The following CIMIP5 variants were observed in gnomAD, a reference collection of about 807,000 sequenced individuals.
CIMIP5 encodes the protein uncharacterized protein C2orf50.
At chr2:11,140,554 G>A in the CIMIP5 span, 1 of 1,562,956 alleles carries the variant, frequency 6.4e-7, no homozygotes, top group African/African-American at 1.3e-5. Context: ...CCAATGGTAA[G>A]GTAAAATATG....
the CIMIP5 span, chr2:11,144,199 C>T: frequency 8.4e-7 from 1 of 1,197,120 alleles, no homozygotes. Flanking sequence ...CAGCTCCCCA[C>T]ACAAGGCAGC....
chr2:11,133,837 C>T, the CIMIP5 span, among the ~76,000 whole-genome samples: 2 of 152,130 alleles, frequency 1.3e-5, no homozygotes, highest in South Asian at 4.1e-4. Context: ...TCGTTCATTC[C>T]GACTGCGACG....
chr2:11,141,124 T>C, the CIMIP5 span, among the ~76,000 whole-genome samples: 199 of 25,464 alleles, frequency 7.8e-3, no homozygotes, highest in Non-Finnish European at 0.012. Context: ...CAACACACTT[T>C]TTTTTTTTTT....
chr2:11,143,956 G>T, the CIMIP5 span: 1 of 1,603,012 alleles, frequency 6.2e-7, no homozygotes, highest in Non-Finnish European at 8.5e-7. Flanking sequence ...GCCAGACCAT[G>T]TGCCTCTCTT....
chr2:11,140,388 A>T, the CIMIP5 span: 1 of 618,412 alleles, frequency 1.6e-6, no homozygotes, highest in Non-Finnish European at 2.5e-6. Context: ...AAAAAAAAAA[A>T]AAAAAAAAAA....
chr2:11,143,870 GTCC>G, the CIMIP5 span: 19 of 1,448,236 alleles, frequency 1.3e-5, no homozygotes, highest in Non-Finnish European at 1.6e-5. Flanking sequence ...CCATTCTAAG[GTCC>G]TCCTTTTTCC....
chr2:11,149,712 A>T, the CIMIP5 span, among the ~76,000 whole-genome samples: 2 of 150,678 alleles, frequency 1.3e-5, no homozygotes, highest in East Asian at 2.0e-4. Flanking sequence ...ATCTCAAAAA[A>T]AATTAATTAA....
chr2:11,135,666 GGTTT>G, the CIMIP5 span, among the ~76,000 whole-genome samples: 2 of 47,376 alleles, frequency 4.2e-5, no homozygotes, highest in African/African-American at 2.0e-4. Flanking sequence ...GGGTTTTTTT[GGTTT>G]TTTTTTTTTT....
chr2:11,149,161 C>T, the CIMIP5 span, among the ~76,000 whole-genome samples: 26 of 152,238 alleles, frequency 1.7e-4, no homozygotes, highest in African/African-American at 6.3e-4. Context: ...GTGAAAGATT[C>T]TTAGAGAACG....
chr2:11,142,576 C>T, the CIMIP5 span, among the ~76,000 whole-genome samples: 1 of 152,160 alleles, frequency 6.6e-6, no homozygotes, highest in African/African-American at 2.4e-5. Flanking sequence ...GTGGAGCCAC[C>T]TCGGCATGGA....
At chr2:11,134,569 G>T in the CIMIP5 span, among the ~76,000 whole-genome samples, 2 of 152,326 alleles carry the variant, frequency 1.3e-5, no homozygotes, top group East Asian at 3.9e-4. Context: ...AAGTGGAATT[G>T]TGCAATATTT....
At chr2:11,141,160 G>A in the CIMIP5 span, among the ~76,000 whole-genome samples, 2 of 115,932 alleles carry the variant, frequency 1.7e-5, no homozygotes, top group Non-Finnish European at 3.2e-5. Flanking sequence ...ATGGAGTCTT[G>A]CTCTGTCGCC....
chr2:11,143,878 T>C, the CIMIP5 span: 4 of 1,478,738 alleles, frequency 2.7e-6, no homozygotes, highest in Non-Finnish European at 3.6e-6. Context: ...AGGTCCTCCT[T>C]TTTCCACGCT....
At chr2:11,144,140 C>G in the CIMIP5 span, 7 of 1,532,450 alleles carry the variant, frequency 4.6e-6, no homozygotes, top group Admixed American at 9.9e-5. Context: ...TGGCCTTCCC[C>G]AGGTGGGTGT....
the CIMIP5 span, among the ~76,000 whole-genome samples, chr2:11,149,021 A>C: frequency 6.6e-6 from 1 of 152,094 alleles, no homozygotes; most frequent in Non-Finnish European, 1.5e-5. Flanking sequence ...GACATGAGCC[A>C]CTGCGCCTGG....
chr2:11,152,093 T>C, the CIMIP5 span, among the ~76,000 whole-genome samples: 3 of 152,326 alleles, frequency 2.0e-5, no homozygotes, highest in South Asian at 4.1e-4. Context: ...TTGAGCCAAA[T>C]AATTGGTCTG....
the CIMIP5 span, among the ~76,000 whole-genome samples, chr2:11,148,619 C>A: frequency 7.1e-6 from 1 of 140,034 alleles, no homozygotes; most frequent in East Asian, 1.9e-4. Context: ...CCCATGCCCA[C>A]CCCCAGCCAG....
the CIMIP5 span, among the ~76,000 whole-genome samples, chr2:11,148,578 TGAA>T: frequency 6.6e-6 from 1 of 152,036 alleles, no homozygotes. Context: ...AGCATCGAAA[TGAA>T]GAACAGTAAT....
chr2:11,151,730 G>A, the CIMIP5 span, among the ~76,000 whole-genome samples: 2 of 152,246 alleles, frequency 1.3e-5, no homozygotes, highest in Non-Finnish European at 2.9e-5. Context: ...GTGCCTCCTG[G>A]ATTCAAGTGA....
Sources: allele counts gnomAD v4.1 joint callset (sites outside exome capture counted in the v4.1 genomes callset), GRCh38; gene constraint gnomAD v4.1.1; transcripts MANE v1.5; gene names NCBI Gene and HGNC (gene_info 2026-07-23, HGNC 2026-07-21).